PSD3: variants seen among roughly 807,000 people sequenced by gnomAD.
PSD3 encodes pleckstrin and Sec7 domain containing 3, also known as PH and SEC7 domain-containing protein 3.
A neutral mutation model predicts 105.5 loss-of-function variants in PSD3; 49 were observed. The ratio of observed to expected loss-of-function variants is 0.46; its 90% CI spans 0.37 to 0.59. PSD3 has a LOEUF of 0.59. PSD3 is among the 20% of genes least tolerant of loss of function. PSD3 has a pLI of 0.00. For synonymous variants in PSD3, 557 were observed against 457.8 expected (o/e 1.22, Z -2.77); for missense variants, 1,561 against 1,263.8 (o/e 1.24, Z -3.57).
intron 12 of PSD3, among the ~76,000 whole-genome samples, chr8:18,585,149 T>C (rs1304007101): frequency 6.6e-6 from 1 of 152,074 alleles, no homozygotes; most frequent in Non-Finnish European, 1.5e-5. Context: ...CTATCTGAAG[T>C]GGAAACAAAG....
At position 18,530,627 on chromosome 8, in the gene PSD3, T is replaced by C. The variant is rs1308242285; in HGVS notation, c.*5116A>G. 6.6e-6 allele frequency: 1 copy of C among 152,488 alleles called. No homozygotes were observed. The highest frequency in any genetic ancestry group is 1.5e-5 in the Non-Finnish European group (1 of 68,022). The allele number at this position is 152,488 out of a possible 1,614,324, so 9.4% of individuals were successfully genotyped here. A position where few individuals can be genotyped will look rare whatever the true frequency, so the allele number is the denominator to read the frequency against. On this transcript the variant is annotated 3_prime_UTR_variant, in exon 16 of 16. Transcript: ENST00000327040. Reference sequence around the variant, plus strand: ...ATCACATTTTGTAATAAGCCCAAAATTGTCAGTTTGACTTTAAGTGCTCTT... The same window carrying C: ...ATCACATTTTGTAATAAGCCCAAAACTGTCAGTTTGACTTTAAGTGCTCTT...
At chr8:18,598,902 T>C (rs2717748) in intron 12 of PSD3, among the ~76,000 whole-genome samples, 114,958 of 151,868 alleles carry the variant, frequency 0.76, 44,229 homozygotes, top group South Asian at 0.89. Flanking sequence ...AAGACACAAA[T>C]AAATGAAAAG....
chr8:18,643,356 G>C (rs532830750), intron 10 of PSD3, among the ~76,000 whole-genome samples: 17 of 152,308 alleles, frequency 1.1e-4, no homozygotes, highest in Admixed American at 3.3e-4. Context: ...TATTCTGTCT[G>C]TGGCCTCTGA....
chr8:18,648,651 G>C (rs970887763), intron 10 of PSD3, among the ~76,000 whole-genome samples: 2 of 152,248 alleles, frequency 1.3e-5, no homozygotes, highest in Admixed American at 6.5e-5. Context: ...AGGCAGGCAA[G>C]TGCTGATAGC....
At chr8:18,941,822 A>AT (rs1822565667) in intron 1 of PSD3, among the ~76,000 whole-genome samples, 1 of 149,902 alleles carries the variant, frequency 6.7e-6, no homozygotes, top group Admixed American at 6.7e-5. Flanking sequence ...ACAAGCACGC[A>AT]TCACCATGCC....
At chr8:18,798,282 C>G (rs1810366687) in intron 8 of PSD3, among the ~76,000 whole-genome samples, 1 of 152,026 alleles carries the variant, frequency 6.6e-6, no homozygotes, top group Non-Finnish European at 1.5e-5. Context: ...AAATTCACCT[C>G]TTATATATGG....
chr8:18,611,899 GC>G (rs1327175320), intron 11 of PSD3, among the ~76,000 whole-genome samples: 1 of 152,104 alleles, frequency 6.6e-6, no homozygotes, highest in East Asian at 1.9e-4. Context: ...TGACTAAAAG[GC>G]AGCAGGGAAG....
intron 2 of PSD3, among the ~76,000 whole-genome samples, chr8:18,913,343 A>AT (rs112163990): frequency 0.062 from 9,120 of 147,786 alleles, 271 homozygotes; most frequent in Admixed American, 0.086. Context: ...CAACCTGTTC[A>AT]TTTTTTTTTT....
intron 2 of PSD3, among the ~76,000 whole-genome samples, chr8:18,906,080 C>T (rs1053702334): frequency 3.3e-5 from 5 of 152,044 alleles, no homozygotes; most frequent in African/African-American, 7.2e-5. Flanking sequence ...TCTGAAAGAC[C>T]GGCAAAAATA....
At chr8:18,755,018 A>G (rs953453108) in intron 9 of PSD3, among the ~76,000 whole-genome samples, 2 of 152,144 alleles carry the variant, frequency 1.3e-5, no homozygotes, top group African/African-American at 4.8e-5. Flanking sequence ...CTGACATATC[A>G]TAAGCAAAAA....
chr8:18,826,198 C>G (rs1813172137), intron 4 of PSD3, among the ~76,000 whole-genome samples: 1 of 152,204 alleles, frequency 6.6e-6, no homozygotes, highest in South Asian at 2.1e-4. Context: ...AAATTATCAG[C>G]TCTCTGTCGC....
intron 1 of PSD3, among the ~76,000 whole-genome samples, chr8:18,945,364 C>T (rs1822795674): frequency 6.6e-6 from 1 of 152,112 alleles, no homozygotes; most frequent in African/African-American, 2.4e-5. Flanking sequence ...AAAAGTAGAG[C>T]CAGAGATAAG....
At chr8:18,846,274 C>G (rs139776382) in intron 4 of PSD3, among the ~76,000 whole-genome samples, 1 of 152,276 alleles carries the variant, frequency 6.6e-6, no homozygotes, top group African/African-American at 2.4e-5. Flanking sequence ...ATATTCCCTG[C>G]TAAACCTCAC....
At chr8:18,765,207 C>T (rs1309437957) in intron 9 of PSD3, among the ~76,000 whole-genome samples, 1 of 152,156 alleles carries the variant, frequency 6.6e-6, no homozygotes, top group Non-Finnish European at 1.5e-5. Flanking sequence ...CTATTTGTAT[C>T]ACCAACCATT....
intron 9 of PSD3, among the ~76,000 whole-genome samples, chr8:18,761,013 T>C (rs80086996): frequency 0.054 from 8,202 of 152,246 alleles, 485 homozygotes; most frequent in East Asian, 0.2. Flanking sequence ...ACTAGTTTGC[T>C]TCCTCAAAGG....
intron 9 of PSD3, among the ~76,000 whole-genome samples, chr8:18,683,265 C>T (rs1026207607): frequency 5.0e-4 from 76 of 152,090 alleles, no homozygotes; most frequent in African/African-American, 1.7e-3. Flanking sequence ...CTGGGGCTAA[C>T]CACTCTAAAC....
chr8:18,552,787 T>C (rs1347422302), intron 15 of PSD3, among the ~76,000 whole-genome samples: 1 of 152,194 alleles, frequency 6.6e-6, no homozygotes, highest in Admixed American at 6.5e-5. Flanking sequence ...GAAGTAAGAT[T>C]AGATTCCAAA....
chr8:18,691,955 A>T (rs1379317853), intron 9 of PSD3, among the ~76,000 whole-genome samples: 2 of 152,242 alleles, frequency 1.3e-5, no homozygotes, highest in Non-Finnish European at 2.9e-5. Context: ...TCATTTATCA[A>T]AAGTCCTCTA....
intron 9 of PSD3, among the ~76,000 whole-genome samples, chr8:18,693,865 T>G (rs1258970924): frequency 6.6e-6 from 1 of 152,230 alleles, no homozygotes. Flanking sequence ...TCAGTTTCCA[T>G]GTTTTTGGAG....
Sources: gnomAD v4.1 joint callset for allele counts (sites outside exome capture counted in the v4.1 genomes callset) on GRCh38, gnomAD v4.1.1 for gene constraint, MANE v1.5 for transcripts, NCBI Gene and HGNC (gene_info 2026-07-23, HGNC 2026-07-21) for gene names.